Variants in CYFIP2 observed in about 807,000 individuals in gnomAD.
The protein encoded by CYFIP2 is cytoplasmic FMR1 interacting protein 2.
A neutral mutation model predicts 158.7 loss-of-function variants in CYFIP2; 29 were observed. The ratio of observed to expected loss-of-function variants is 0.18; its 90% CI spans 0.14 to 0.25. The LOEUF is 0.25. Ranked by LOEUF, CYFIP2 falls within the 10% of genes least tolerant of loss-of-function variation. The pLI, the probability that CYFIP2 is intolerant of heterozygous loss-of-function variation, is 1.00. For synonymous variants in CYFIP2, 585 were observed against 617.6 expected, an observed-to-expected ratio of 0.95 and a Z score of 0.78; for missense variants, 852 against 1,639.5, an observed-to-expected ratio of 0.52 and a Z score of 8.29.
At chr5:157,386,580 AT>A (rs1766715316) in intron 28 of CYFIP2, among the ~76,000 whole-genome samples, 3 of 152,170 alleles carry the variant, frequency 2.0e-5, no homozygotes, top group South Asian at 2.1e-4. Context: ...GTTACTAAGT[AT>A]TCATCCTAAC....
chr5:157,310,886 A>G, intron 10 of CYFIP2: 1 of 418,112 alleles, frequency 2.4e-6, no homozygotes, highest in Non-Finnish European at 4.8e-6. Flanking sequence ...CTCATGCTTC[A>G]TCTGTCTGCT....
intron 23 of CYFIP2, among the ~76,000 whole-genome samples, chr5:157,352,402 C>T (rs1272594674): frequency 1.3e-5 from 2 of 152,198 alleles, no homozygotes; most frequent in African/African-American, 2.4e-5. Flanking sequence ...CAACACTGCC[C>T]GCCTGGGCTG....
At chr5:157,349,358 G>A (rs1234702691) in intron 23 of CYFIP2, among the ~76,000 whole-genome samples, 1 of 152,160 alleles carries the variant, frequency 6.6e-6, no homozygotes, top group Non-Finnish European at 1.5e-5. Context: ...ACTCAAGTGA[G>A]AACATAATCA....
At chr5:157,382,885 G>C (rs56280765) in intron 27 of CYFIP2, among the ~76,000 whole-genome samples, 2,391 of 152,162 alleles carry the variant, frequency 0.016, 37 homozygotes, top group Non-Finnish European at 0.025. Context: ...TATTATCTTT[G>C]ATTCTGTCAT....
rs373653936 is a variant in CYFIP2 at position 157,343,477 on chromosome 5, C to T, written c.2673+2320C>T. 6.2e-6 allele frequency: 10 copies of T among 1,605,832 alleles called. No homozygotes were observed. Among genetic ancestry groups the T allele is most frequent in the East Asian group, 2.2e-5 (1 of 44,680 alleles). ...GGTAATAGTCCTCCAGGCAGGGCTC[C>T]GAGGACGACCAGGAGATGATGGCTC... On this transcript the variant is annotated intron_variant, in intron 23 of 30. Coordinates refer to ENST00000620254, the MANE Select transcript of CYFIP2 (RefSeq NM_001037333.3).
intron 19 of CYFIP2, 70 bp downstream of exon 19, chr5:157,328,119 G>C: frequency 2.1e-6 from 3 of 1,440,482 alleles, no homozygotes; most frequent in Non-Finnish European, 2.9e-6. Flanking sequence ...ATTTTCTGTT[G>C]TGAAACCTCC....
At chr5:157,315,162 T>C in intron 13 of CYFIP2, 68 bp downstream of exon 13, 1 of 1,573,366 alleles carries the variant, frequency 6.4e-7, no homozygotes, top group Non-Finnish European at 8.6e-7. Context: ...CCTGAGTAGT[T>C]CTGAGCAAGA....
chr5:157,372,752 A>G (rs991010399), intron 26 of CYFIP2, among the ~76,000 whole-genome samples: 1 of 152,210 alleles, frequency 6.6e-6, no homozygotes, highest in Non-Finnish European at 1.5e-5. Flanking sequence ...TTAAGATCCA[A>G]GAAAGACAAA....
chr5:157,389,069 AC>A, intron 28 of CYFIP2, 119 bp from the exon 29 acceptor site: 1 of 915,802 alleles, frequency 1.1e-6, no homozygotes, highest in Non-Finnish European at 1.6e-6. Flanking sequence ...TCTGAACAAG[AC>A]CAGTTCTGGT....
chr5:157,303,862 C>G (rs1758991705), intron 7 of CYFIP2, among the ~76,000 whole-genome samples: 1 of 151,678 alleles, frequency 6.6e-6, no homozygotes, highest in African/African-American at 2.4e-5. Context: ...TGGGGTTTTG[C>G]TGCCGTTGTC....
intron 23 of CYFIP2, chr5:157,342,864 AT>A: frequency 6.2e-7 from 1 of 1,609,334 alleles, no homozygotes; most frequent in South Asian, 1.1e-5. Flanking sequence ...CCCCACTCTC[AT>A]TCCCCACAAT....
chr5:157,338,403 T>G (rs944442861), intron 21 of CYFIP2, among the ~76,000 whole-genome samples: 4 of 152,242 alleles, frequency 2.6e-5, no homozygotes, highest in Admixed American at 2.6e-4. Flanking sequence ...TTTTAAAACT[T>G]CTATAGCAGT....
intron 30 of CYFIP2, among the ~76,000 whole-genome samples, chr5:157,392,016 A>T (rs1767344873): frequency 6.6e-6 from 1 of 152,144 alleles, no homozygotes. Context: ...AATGACTGTC[A>T]CTGCTGAGTG....
At chr5:157,375,010 C>T (rs1247291648) in intron 26 of CYFIP2, among the ~76,000 whole-genome samples, 2 of 152,164 alleles carry the variant, frequency 1.3e-5, no homozygotes, top group Non-Finnish European at 2.9e-5. Context: ...ATGCTGGGGA[C>T]ATTTACTACC....
At position 157,356,934 on chromosome 5, in the gene CYFIP2, C is replaced by T. The variant is rs140930027; in HGVS notation, c.2674-2071C>T. ...ACTCCCAGGATTTGCTGAACATCAG[C>T]TTCAGTGAACATCATACTCTTAAGT... On this transcript the variant is annotated intron_variant, in intron 23 of 30. Coordinates refer to ENST00000620254, the MANE Select transcript of CYFIP2 (RefSeq NM_001037333.3). 8.0e-4 allele frequency among the ~76,000 whole-genome samples: 122 copies of T among 152,296 alleles called. 1 individual carries two copies. The highest frequency in any genetic ancestry group is 1.9e-3 in the Admixed American group (29 of 15,292).
At chr5:157,316,005 A>G (rs938932127) in intron 13 of CYFIP2, among the ~76,000 whole-genome samples, 1 of 152,168 alleles carries the variant, frequency 6.6e-6, no homozygotes, top group Non-Finnish European at 1.5e-5. Flanking sequence ...CAGGAGAATC[A>G]TTTGAACCCG....
chr5:157,382,659 A>C lies in CYFIP2; in HGVS notation c.3109A>C (p.Lys1037Gln). 1 of 1,613,858 alleles carries C rather than the reference A, an allele frequency of 6.2e-7. No homozygotes were observed. Among genetic ancestry groups the C allele is most frequent in the Non-Finnish European group, 8.5e-7 (1 of 1,179,812 alleles). ...AAACATCTTGCCTAGAGTCTACATC[A>C]AAGGTAAGAAACCACTACAGCAGCT... The part of the protein sequence containing the change: ...FQNILPRVYI[K>Q]EGERLEVRMK... Residue 1037 changes from lysine (K) to glutamine (Q), a missense_variant, in exon 27 of 31, where the codon AAA (lysine) becomes CAA (glutamine). Physicochemically the swap from Lys to Gln is moderately conservative, Grantham distance 53 (BLOSUM62 1). Transcript: ENST00000620254.
chr5:157,316,252 C>T (rs554682338), intron 13 of CYFIP2, among the ~76,000 whole-genome samples: 1 of 152,122 alleles, frequency 6.6e-6, no homozygotes, highest in African/African-American at 2.4e-5. Context: ...TATGCATATA[C>T]ACATAAATGT....
chr5:157,309,772 C>T lies in CYFIP2; in HGVS notation c.930C>T (p.Asp310=). The T allele has an allele frequency of 6.2e-7, 1 of 1,608,256 alleles. No individual in the cohort carries two copies. The highest frequency in any genetic ancestry group is 8.5e-7 in the Non-Finnish European group (1 of 1,177,530). Residue 310 remains aspartate, a synonymous_variant, in exon 10 of 31, where the codon GAC becomes GAT. Coordinates refer to ENST00000620254, the MANE Select transcript of CYFIP2 (RefSeq NM_001037333.3). ...TGCAGGTGGTGCCCCTTTTCGGCGACATGCAGATAGAGCTGGCCAGATACA... is the reference window on the plus strand; with the variant it reads ...TGCAGGTGGTGCCCCTTTTCGGCGATATGCAGATAGAGCTGGCCAGATACA... ...KQLQVVPLFG[D]MQIELARYIK... is the part of the protein sequence containing the mutation.
Sources: allele counts gnomAD v4.1 joint callset (sites outside exome capture counted in the v4.1 genomes callset), GRCh38; gene constraint gnomAD v4.1.1; transcripts MANE v1.5; gene names NCBI Gene and HGNC (gene_info 2026-07-23, HGNC 2026-07-21).